The following FOXP4 variants were observed in gnomAD, a reference collection of about 807,000 sequenced individuals.
FOXP4 encodes forkhead box P4.
Under a neutral mutation model 82.6 loss-of-function variants are expected in FOXP4, and 25 were observed. That is an observed-to-expected ratio of 0.30 (90% CI 0.22 to 0.42). The LOEUF is 0.42. Among genes scored for constraint, FOXP4 ranks in the 10% least tolerant of loss-of-function variants. FOXP4 has a pLI of 1.00. For synonymous variants in FOXP4, 415 were observed against 388.2 expected (o/e 1.07, Z -0.81); for missense variants, 785 against 900.9 (o/e 0.87, Z 1.65).
intron 1 of FOXP4, among the ~76,000 whole-genome samples, chr6:41,563,451 A>G (rs1299397244): frequency 6.6e-6 from 1 of 152,198 alleles, no homozygotes; most frequent in African/African-American, 2.4e-5. Flanking sequence ...TGTTACCTAC[A>G]AGGCCCTCAT....
intron 1 of FOXP4, among the ~76,000 whole-genome samples, chr6:41,556,082 G>T (rs908120231): frequency 7.2e-5 from 11 of 152,114 alleles, no homozygotes; most frequent in Non-Finnish European, 8.8e-5. Flanking sequence ...GGTGGTAGGG[G>T]TAAGGGAAGG....
chr6:41,550,299 T>C (rs1403572224), intron 1 of FOXP4, among the ~76,000 whole-genome samples: 1 of 152,172 alleles, frequency 6.6e-6, no homozygotes, highest in East Asian at 1.9e-4. Context: ...GAGATTCTGT[T>C]TGGGAGTTAG....
Position 41,591,761 on chromosome 6 carries a change from G to A in FOXP4, c.1536+439G>A, listed in dbSNP as rs754800644. 2.0e-5 allele frequency among the ~76,000 whole-genome samples: 3 copies of A among 152,164 alleles called. No homozygotes were observed. Among genetic ancestry groups the A allele is most frequent in the African/African-American group, 4.8e-5 (2 of 41,426 alleles). On this transcript the variant is annotated intron_variant, in intron 13 of 16. Coordinates refer to ENST00000307972, the MANE Select transcript of FOXP4 (RefSeq NM_001012426.2). The surrounding 1 kb of genome is among the most constrained non-coding windows in gnomAD (Gnocchi z 4.2). ...TAGGAAAGCGCAGGTATAGACACAC[G>A]GATGGACCAAGAGCCGTGGACCACA...
chr6:41,590,086 C>G lies in FOXP4; in HGVS notation c.1273C>G (p.Pro425Ala), dbSNP rs1488461367. 1 of 1,613,730 alleles carries G rather than the reference C, an allele frequency of 6.2e-7. No homozygotes were observed. The highest frequency in any genetic ancestry group is 1.3e-5 in the African/African-American group (1 of 74,932). Residue 425 changes from proline to alanine, a missense_variant, in exon 11 of 17, where the codon CCT becomes GCT. This residue lies in a region of FOXP4 where 570 missense variants were observed against 634.0 expected (regional missense o/e 0.90). Transcript: ENST00000307972. ...AGCCCCTGTCACCCCTCTACGGCCCCCTGGCCTGGGCTCTGCCTCCCTGCA... is the reference window on the plus strand; with the variant it reads ...AGCCCCTGTCACCCCTCTACGGCCCGCTGGCCTGGGCTCTGCCTCCCTGCA... ...AAAPVTPLRP[P>A]GLGSASLHGG... is the part of the protein sequence containing the mutation.
chr6:41,599,784 A>ACC lies in FOXP4; in HGVS notation c.*851_*852dup. ...GGAGCCCAGGGGAAGGCCAGGCTGG[A>ACC]CCCCGGCTCCACACCCACATCCAGC... On this transcript the variant is annotated 3_prime_UTR_variant, in exon 17 of 17. Coordinates refer to ENST00000307972, the MANE Select transcript of FOXP4 (RefSeq NM_001012426.2). 1 of 149,974 alleles carries ACC rather than the reference A, an allele frequency of 6.7e-6. No individual in the cohort carries two copies. The highest frequency in any genetic ancestry group is 1.5e-5 in the Non-Finnish European group (1 of 67,190). The allele number at this position is 149,974 out of a possible 1,614,324, so 9.3% of individuals were successfully genotyped here.
chr6:41,549,050 T>G (rs1053030368), intron 1 of FOXP4, among the ~76,000 whole-genome samples: 15 of 151,998 alleles, frequency 9.9e-5, no homozygotes, highest in Non-Finnish European at 2.1e-4. Context: ...GAGGTGGTTT[T>G]GTGGTTGCCC....
At chr6:41,572,632 A>C (rs1423143513) in intron 2 of FOXP4, among the ~76,000 whole-genome samples, 2 of 152,172 alleles carry the variant, frequency 1.3e-5, no homozygotes, top group African/African-American at 4.8e-5. Context: ...GTTCCCAGTG[A>C]AAATTAATTA....
At chr6:41,573,232 C>T (rs1487807887) in intron 2 of FOXP4, among the ~76,000 whole-genome samples, 2 of 152,082 alleles carry the variant, frequency 1.3e-5, no homozygotes, top group Non-Finnish European at 2.9e-5. Context: ...GAGAGAATGA[C>T]CCCTCTCCCA....
chr6:41,568,523 G>A (rs773836688), intron 2 of FOXP4, among the ~76,000 whole-genome samples: 54 of 152,342 alleles, frequency 3.5e-4, no homozygotes, highest in Admixed American at 1.5e-3. Flanking sequence ...AATGTCTGTT[G>A]ATGAGTAAAT....
rs1388219867 is a variant in FOXP4, at chr6:41,570,382, T to C, written c.204+4418T>C. The C allele has an allele frequency of 1.9e-5, 9 of 471,152 alleles. No homozygotes were observed. In the East Asian group the frequency reaches 5.6e-4, roughly 29 times the overall value. 29.2% of individuals were successfully genotyped at this position (471,152 alleles called of 1,614,324 possible). ...ATGCTCAGAAACTGCCCTTTCCTCCTTGGCCTGACACAGTGAGAGAAGGAC... is the reference window on the plus strand; with the variant it reads ...ATGCTCAGAAACTGCCCTTTCCTCCCTGGCCTGACACAGTGAGAGAAGGAC... On this transcript the variant is annotated intron_variant, in intron 2 of 16. Transcript: ENST00000307972.
At position 41,598,859 on chromosome 6, in the gene FOXP4, G is replaced by C. The variant is rs751994604; in HGVS notation, c.1966G>C (p.Ala656Pro). ...CAGGCAGCCCGGGCCTCCCCTGGGC[G>C]CCCCTAACCCCAGCGCCTCGGGGCC... ...EDRQPGPPLG[A>P]PNPSASGPPE... Residue 656 changes from alanine (A) to proline (P), a missense_variant, in exon 17 of 17, where the codon GCC becomes CCC. Physicochemically the swap from Ala to Pro is conservative, Grantham distance 27. Transcript: ENST00000307972. 6.3e-7 allele frequency: 1 copy of C among 1,593,132 alleles called. No individual in the cohort carries two copies. Among genetic ancestry groups the C allele is most frequent in the Non-Finnish European group, 8.5e-7 (1 of 1,171,552 alleles).
intron 5 of FOXP4, among the ~76,000 whole-genome samples, 159 bp from the exon 6 acceptor site, chr6:41,586,850 A>G (rs1172669950): frequency 6.6e-6 from 1 of 152,238 alleles, no homozygotes; most frequent in East Asian, 1.9e-4. Context: ...GCCTTATGGA[A>G]GCTGGGCCGG....
At chr6:41,579,638 A>T (rs1345434793) in intron 3 of FOXP4, among the ~76,000 whole-genome samples, 1 of 152,158 alleles carries the variant, frequency 6.6e-6, no homozygotes, top group African/African-American at 2.4e-5. Context: ...CTGAAGGGAG[A>T]CTATGGAATC....
rs1004289982 is a variant in FOXP4, at chr6:41,566,097, C to T, written c.204+133C>T. 16 of 929,464 alleles carry T rather than the reference C, an allele frequency of 1.7e-5. No homozygotes were observed. The Admixed American group carries it at 4.5e-4, about 26-fold the overall frequency. 57.6% of individuals were successfully genotyped at this position (929,464 alleles called of 1,614,324 possible). On this transcript the variant is annotated intron_variant, in intron 2 of 16. Transcript: ENST00000307972. ...TTTACCATTCTTAAGACAGTCCAGC[C>T]TCCAAGGACTCCCTGTCCACCCACC...
intron 3 of FOXP4, among the ~76,000 whole-genome samples, chr6:41,583,645 G>C (rs1018070263): frequency 6.6e-6 from 1 of 152,226 alleles, no homozygotes; most frequent in Non-Finnish European, 1.5e-5. Flanking sequence ...AATTAGAGAA[G>C]AGTCCTGTAT....
At chr6:41,581,774 T>C (rs1313634626) in intron 3 of FOXP4, among the ~76,000 whole-genome samples, 1 of 152,214 alleles carries the variant, frequency 6.6e-6, no homozygotes, top group Non-Finnish European at 1.5e-5. Flanking sequence ...GCAGCCTCCA[T>C]AGGCAGCTGC....
At position 41,560,069 on chromosome 6, in the gene FOXP4, G is replaced by A. The variant is rs544423331; in HGVS notation, c.-16-5676G>A. Among the ~76,000 whole-genome samples, 15 of 152,200 alleles carry A rather than the reference G, an allele frequency of 9.9e-5. No homozygotes were observed. In the East Asian group the frequency reaches 2.3e-3, roughly 23 times the overall value. On this transcript the variant is annotated intron_variant, in intron 1 of 16. Coordinates refer to ENST00000307972, the MANE Select transcript of FOXP4 (RefSeq NM_001012426.2). ...TTTGTTGGAATTATAAATTATAAAAGAGATGGCTACATCTAGTCCAGTTCT... is the reference window on the plus strand; with the variant it reads ...TTTGTTGGAATTATAAATTATAAAAAAGATGGCTACATCTAGTCCAGTTCT...
At chr6:41,566,983 C>G (rs1207837474) in intron 2 of FOXP4, among the ~76,000 whole-genome samples, 2 of 152,234 alleles carry the variant, frequency 1.3e-5, no homozygotes. Flanking sequence ...CACTCCTTCT[C>G]CCACAGCCCA....
intron 13 of FOXP4, among the ~76,000 whole-genome samples, chr6:41,594,241 C>T (rs1766690204): frequency 6.6e-6 from 1 of 152,200 alleles, no homozygotes; most frequent in Non-Finnish European, 1.5e-5. Context: ...GGTTGTCAAC[C>T]CACACTCTCC....
Sources: gnomAD v4.1 joint callset for allele counts (sites outside exome capture counted in the v4.1 genomes callset) on GRCh38, gnomAD v4.1.1 for gene constraint, gnomAD v4.1.1 regional missense constraint, Gnocchi (gnomAD v3.1) non-coding constraint, MANE v1.5 for transcripts, NCBI Gene and HGNC (gene_info 2026-07-23, HGNC 2026-07-21) for gene names.